The following SESTD1 variants were observed in gnomAD, a reference collection of about 807,000 sequenced individuals.
The protein encoded by SESTD1 is SEC14 and spectrin domain containing 1, also known as SEC14 domain and spectrin repeat-containing protein 1.
In SESTD1, 43 loss-of-function variants were observed where a neutral mutation model predicts 101.7. That is an observed-to-expected ratio of 0.42 (90% confidence interval 0.33 to 0.55). The LOEUF is 0.55. SESTD1 is among the 20% of genes least tolerant of loss of function. The probability of loss-of-function intolerance (pLI) is 0.07; values close to 1 mark genes in which losing one functional copy is unlikely to be tolerated. For synonymous variants in SESTD1, 283 were observed against 286.8 expected (o/e 0.99, Z 0.13); for missense variants, 647 against 815.1 (o/e 0.79, Z 2.51).
intron 1 of SESTD1, among the ~76,000 whole-genome samples, chr2:179,203,526 C>T (rs977985673): frequency 7.5e-6 from 1 of 133,916 alleles, no homozygotes; most frequent in Non-Finnish European, 1.6e-5. Flanking sequence ...TGGAAGGTCC[C>T]CATGCCTCCT....
intron 1 of SESTD1, among the ~76,000 whole-genome samples, chr2:179,208,376 C>T (rs2105515120): frequency 7.4e-6 from 1 of 134,762 alleles, no homozygotes; most frequent in Non-Finnish European, 1.6e-5. Context: ...CCAAAGAACA[C>T]CCAGGAAATT....
In SESTD1 at chr2:179,191,164, C is replaced by A. The variant is rs1021461940; in HGVS notation, c.55+623G>T. Among the ~76,000 whole-genome samples, 5 of 152,058 alleles carry A rather than the reference C, an allele frequency of 3.3e-5. No individual in the cohort carries two copies. In the South Asian group the frequency reaches 6.2e-4, roughly 19 times the overall value. ...AGCACTATTTATAATAGCAAAGACA[C>A]AGAATCAACTTAGGTGCCCATCAAC... On this transcript the variant is annotated intron_variant, in intron 2 of 17. Coordinates refer to ENST00000428443, the MANE Select transcript of SESTD1 (RefSeq NM_178123.5).
chr2:179,120,285 T>A (rs559822226), intron 13 of SESTD1, among the ~76,000 whole-genome samples: 1 of 151,928 alleles, frequency 6.6e-6, no homozygotes, highest in Non-Finnish European at 1.5e-5. Context: ...TTTATAGCAA[T>A]GCAAGAATGG....
In SESTD1 at chr2:179,110,048, G is replaced by A. The variant is rs368624686; in HGVS notation, c.1962-20C>T. On this transcript the variant is annotated intron_variant, in intron 17 of 17. Coordinates refer to ENST00000428443, the MANE Select transcript of SESTD1 (RefSeq NM_178123.5). ...TCGGTTCTAAAAATCAAAACACACA[G>A]AAAAACCTCAGATTAATACAAATCT... The A allele has an allele frequency of 2.6e-4, 425 of 1,610,878 alleles. 6 individuals are homozygous for A. The South Asian group carries it at 4.3e-3, about 16-fold the overall frequency.
At chr2:179,121,989 A>G (rs1336795999) in intron 12 of SESTD1, 60 bp from the exon 13 acceptor site, 2 of 1,500,958 alleles carry the variant, frequency 1.3e-6, no homozygotes, top group Non-Finnish European at 1.8e-6. Context: ...CCCTCCCTCA[A>G]ACAAATCGTC....
rs1404060418 is a variant in SESTD1 at position 179,146,452 on chromosome 2, A to G, written c.587T>C (p.Val196Ala). 3 of 1,612,900 alleles carry G rather than the reference A, an allele frequency of 1.9e-6. No homozygotes were observed. The highest frequency in any genetic ancestry group is 1.7e-5 in the Admixed American group (1 of 59,812). ...KGNQQEKERSVDLNFLPSVDP... is the reference protein window; with the variant it reads ...KGNQQEKERSADLNFLPSVDP... ...AACCGATGGAAGAAAGTTTAAATCC[A>G]CAGACCTGGAAAACACCAAAGGAGT... Residue 196 changes from valine (V) to alanine (A), a missense_variant, in exon 8 of 18, where the codon GTG becomes GCG. This residue lies in a region of SESTD1 where 168 missense variants were observed against 235.1 expected (regional missense o/e 0.71). Coordinates refer to ENST00000428443, the MANE Select transcript of SESTD1 (RefSeq NM_178123.5).
At chr2:179,263,638 C>CT (rs34095150) in intron 1 of SESTD1, among the ~76,000 whole-genome samples, 45,849 of 151,864 alleles carry the variant, frequency 0.3, 7,440 homozygotes, top group South Asian at 0.44. Context: ...CCCGCGATGT[C>CT]TGTGTGTAAG....
chr2:179,131,470 G>A (rs927318623), intron 10 of SESTD1, among the ~76,000 whole-genome samples: 4 of 152,144 alleles, frequency 2.6e-5, no homozygotes, highest in African/African-American at 9.7e-5. Flanking sequence ...TGGGTCCAGA[G>A]TTTAACATTT....
rs540975498 is a variant in SESTD1, at chr2:179,239,638, GC to G, written c.-26+24860del. Among the ~76,000 whole-genome samples the G allele has an allele frequency of 3.3e-5, 5 of 152,204 alleles. No homozygotes were observed. The South Asian group carries it at 1.0e-3, about 32-fold the overall frequency. ...ACCTAGGCACAGGAATTATTTCAGA[GC>G]CCCCCAGGTAAACAACATATGCAGC... On this transcript the variant is annotated intron_variant, in intron 1 of 17. Transcript: ENST00000428443.
chr2:179,142,514 G>T (rs541226592), intron 9 of SESTD1, among the ~76,000 whole-genome samples: 2 of 152,308 alleles, frequency 1.3e-5, no homozygotes, highest in South Asian at 4.1e-4. Context: ...GCTAAGTGAA[G>T]AAACTGGGAT....
chr2:179,135,360 G>A (rs925348778), intron 9 of SESTD1, among the ~76,000 whole-genome samples: 5 of 152,164 alleles, frequency 3.3e-5, no homozygotes, highest in African/African-American at 1.2e-4. Flanking sequence ...CAAGGTATGT[G>A]ATATTTTGTG....
intron 8 of SESTD1, among the ~76,000 whole-genome samples, chr2:179,144,563 A>C (rs976431714): frequency 1.5e-5 from 2 of 135,822 alleles, no homozygotes; most frequent in East Asian, 2.0e-4. Context: ...TAATTTTAAA[A>C]GTAAATAAGG....
At chr2:179,195,888 G>A (rs969902941) in intron 1 of SESTD1, among the ~76,000 whole-genome samples, 5 of 151,760 alleles carry the variant, frequency 3.3e-5, no homozygotes, top group South Asian at 2.1e-4. Flanking sequence ...AAAAAATCTC[G>A]TATGGTAAAT....
intron 1 of SESTD1, among the ~76,000 whole-genome samples, chr2:179,195,962 C>A (rs1347166718): frequency 2.0e-5 from 3 of 151,848 alleles, no homozygotes; most frequent in Non-Finnish European, 2.9e-5. Flanking sequence ...GCCAAGATGG[C>A]CGAATAGGAA....
chr2:179,155,976 G>A (rs1198585311), intron 5 of SESTD1, among the ~76,000 whole-genome samples: 1 of 151,976 alleles, frequency 6.6e-6, no homozygotes, highest in Non-Finnish European at 1.5e-5. Context: ...ACATATCAGC[G>A]AGAACACACG....
chr2:179,133,260 T>C (rs1448994644), intron 9 of SESTD1, among the ~76,000 whole-genome samples: 1 of 152,170 alleles, frequency 6.6e-6, no homozygotes, highest in Non-Finnish European at 1.5e-5. Context: ...ACTATGCCCA[T>C]TATGAGTCAC....
Position 179,151,293 on chromosome 2 carries a change from C to A in SESTD1, c.468G>T (p.Trp156Cys). 6.3e-7 allele frequency: 1 copy of A among 1,594,680 alleles called. No homozygotes were observed. Among genetic ancestry groups the A allele is most frequent in the Non-Finnish European group, 8.5e-7 (1 of 1,171,846 alleles). Residue 156 changes from tryptophan (W) to cysteine (C), a missense_variant, in exon 6 of 18, where the codon TGG (tryptophan) becomes TGT (cysteine). Physicochemically the swap from Trp to Cys is radical, Grantham distance 215 (BLOSUM62 -2). Transcript: ENST00000428443. ...ATATACCAACCAGCCTCTTATTTAA[C>A]CAGTCCATGTGATCATAGGTGAGAC... ...GGSLTYDHMD[W>C]LNKRLVFEKF...
At chr2:179,165,342 A>C (rs920740683) in intron 5 of SESTD1, among the ~76,000 whole-genome samples, 2 of 152,206 alleles carry the variant, frequency 1.3e-5, no homozygotes, top group Non-Finnish European at 2.9e-5. Context: ...TCCAAGATGC[A>C]GGGTATTTAA....
intron 1 of SESTD1, among the ~76,000 whole-genome samples, chr2:179,237,006 G>A (rs1383222056): frequency 1.3e-5 from 2 of 151,734 alleles, no homozygotes; most frequent in East Asian, 1.9e-4. Flanking sequence ...GGTCTTAATC[G>A]TATTTTCTTG....
Sources: allele counts gnomAD v4.1 joint callset (sites outside exome capture counted in the v4.1 genomes callset), GRCh38; gene constraint gnomAD v4.1.1; regional missense constraint gnomAD v4.1.1; transcripts MANE v1.5; gene names NCBI Gene and HGNC (gene_info 2026-07-23, HGNC 2026-07-21).